The following COL5A1 variants were observed in gnomAD, a reference collection of about 807,000 sequenced individuals.
The protein encoded by COL5A1 is collagen alpha-1(V) chain.
A neutral mutation model predicts 263.7 loss-of-function variants in COL5A1; 16 were observed. The observed-to-expected ratio is 0.06, with a 90% CI of 0.04 to 0.09. COL5A1 has a LOEUF of 0.09. COL5A1 is among the 10% of genes least tolerant of loss of function. COL5A1 has a pLI of 1.00. For missense variants in COL5A1, 2,036 were observed against 2,540.5 expected, an observed-to-expected ratio of 0.80 and a Z score of 4.27; for synonymous variants, 1,012 against 1,004.5, an observed-to-expected ratio of 1.01 and a Z score of -0.14.
intron 61 of COL5A1, among the ~76,000 whole-genome samples, chr9:134,824,019 G>GTATGTGTGTGTGTGCA (rs372615876): frequency 0.018 from 2,784 of 151,052 alleles, 82 homozygotes; most frequent in African/African-American, 0.064. Flanking sequence ...ATGTGCATGT[G>GTATGTGTGTGTGTGCA]TGTGTGTGTG....
At chr9:134,683,167 G>A (rs998883669) in intron 1 of COL5A1, among the ~76,000 whole-genome samples, 2 of 152,218 alleles carry the variant, frequency 1.3e-5, no homozygotes, top group African/African-American at 4.8e-5. Flanking sequence ...AAGTAGAACG[G>A]CTGTAAGGTG....
intron 13 of COL5A1, among the ~76,000 whole-genome samples, 164 bp from the exon 14 acceptor site, chr9:134,752,425 G>T (rs879060203): frequency 8.6e-5 from 13 of 150,404 alleles, no homozygotes; most frequent in Non-Finnish European, 1.3e-4. Context: ...AAGTCGGGGG[G>T]GGGGGGCCCT....
At chr9:134,751,183 A>AC (rs1316755384) in intron 13 of COL5A1, among the ~76,000 whole-genome samples, 13 of 134,468 alleles carry the variant, frequency 9.7e-5, no homozygotes, top group Non-Finnish European at 1.6e-4. Context: ...TCCAGTAGGG[A>AC]CCCCGAGAGC....
chr9:134,798,221 G>C (rs1837985216), intron 36 of COL5A1, among the ~76,000 whole-genome samples, 187 bp from the exon 37 acceptor site: 1 of 152,250 alleles, frequency 6.6e-6, no homozygotes, highest in South Asian at 2.1e-4. Flanking sequence ...TACGAGGACA[G>C]GCAGGAGCCA....
rs1434376506 is a variant in COL5A1 at position 134,746,559 on chromosome 9, G to A, written c.1495-3983G>A. Among the ~76,000 whole-genome samples the A allele has an allele frequency of 7.9e-5, 12 of 152,352 alleles. No homozygotes were observed. In the South Asian group the frequency reaches 1.0e-3, roughly 13 times the overall value. On this transcript the variant is annotated intron_variant, in intron 11 of 65. Transcript: ENST00000371817. ...AGGCATCTGGTCACCCAGCCACATC[G>A]TCTCTGTGCAAAGGACGTCTGGACG...
intron 20 of COL5A1, among the ~76,000 whole-genome samples, chr9:134,763,996 G>A (rs1326906181): frequency 6.6e-6 from 1 of 150,846 alleles, no homozygotes; most frequent in African/African-American, 2.4e-5. Flanking sequence ...TGGGGGTCCA[G>A]GGGCAGCGTG....
At chr9:134,784,812 C>T (rs897391875) in intron 29 of COL5A1, among the ~76,000 whole-genome samples, 177 bp from the exon 30 acceptor site, 9 of 152,250 alleles carry the variant, frequency 5.9e-5, no homozygotes, top group African/African-American at 1.9e-4. Flanking sequence ...ACAATGCGCT[C>T]GCTTTGTCAG....
Position 134,700,030 on chromosome 9 carries a change from C to T in COL5A1, c.399C>T (p.Gly133=). 1 of 1,613,586 alleles carries T rather than the reference C, an allele frequency of 6.2e-7. No individual in the cohort carries two copies. The highest frequency in any genetic ancestry group is 8.5e-7 in the Non-Finnish European group (1 of 1,180,032). ...QGIQQIGLEL[G]RSPVFLYEDH... ...TCCAGCAGATTGGGCTGGAGCTGGG[C>T]CGCTCTCCCGTCTTCCTCTACGAGG... The change falls in exon 3 of 66, where the codon GGC becomes GGT. Residue 133 remains glycine, a synonymous_variant. Coordinates refer to ENST00000371817, the MANE Select transcript of COL5A1 (RefSeq NM_000093.5). This position sits in a 1 kb window ranked among gnomAD's most constrained non-coding sequence, Gnocchi z 4.0.
At chr9:134,691,699 A>T (rs1833287514) in intron 2 of COL5A1, 2 of 155,116 alleles carry the variant, frequency 1.3e-5, no homozygotes, top group African/African-American at 2.4e-5. Flanking sequence ...CTCTGGGCTT[A>T]TCTGGACGTG....
At chr9:134,830,148 G>C in intron 64 of COL5A1, 104 bp downstream of exon 64, 7 of 1,612,012 alleles carry the variant, frequency 4.3e-6, no homozygotes, top group Non-Finnish European at 5.9e-6. Context: ...CCTTCCACCT[G>C]GTATAGTCAG....
chr9:134,651,544 G>T (rs548636640), intron 1 of COL5A1, among the ~76,000 whole-genome samples: 4 of 152,342 alleles, frequency 2.6e-5, no homozygotes, highest in East Asian at 1.9e-4. Flanking sequence ...GTACACCAGA[G>T]AGCACGGTGG....
chr9:134,692,326 C>G (rs550438344), intron 2 of COL5A1, among the ~76,000 whole-genome samples: 1 of 152,312 alleles, frequency 6.6e-6, no homozygotes, highest in South Asian at 2.1e-4. Flanking sequence ...TCGGCTCAGA[C>G]AGCCTGTCCC....
intron 9 of COL5A1, among the ~76,000 whole-genome samples, chr9:134,734,518 T>A (rs1414160188): frequency 1.3e-5 from 2 of 152,256 alleles, no homozygotes; most frequent in Non-Finnish European, 2.9e-5. Context: ...CCTGGGGCCC[T>A]GCGGGCGTCC....
chr9:134,707,893 C>T (rs907405669), intron 4 of COL5A1, among the ~76,000 whole-genome samples: 72 of 152,294 alleles, frequency 4.7e-4, no homozygotes, highest in African/African-American at 1.7e-3. Context: ...CTTCCCGGCA[C>T]ACAGGCGGGC....
At chr9:134,806,374 C>T in intron 42 of COL5A1, 78 bp downstream of exon 42, 1 of 999,694 alleles carries the variant, frequency 1.0e-6, no homozygotes, top group African/African-American at 1.6e-5. Context: ...TGTCCCTCCC[C>T]CTGTGATGTC....
chr9:134,785,958 C>A, intron 30 of COL5A1, 37 bp from the exon 31 acceptor site: 2 of 1,578,978 alleles, frequency 1.3e-6, no homozygotes, highest in Non-Finnish European at 1.7e-6. Flanking sequence ...TGGAGCAATA[C>A]CGTGCTGGCC....
chr9:134,716,444 G>A lies in COL5A1; in HGVS notation c.655-10822G>A, dbSNP rs115569337. ...GCCATAAAACAGTGTCTGCAGGCCC[G>A]CTGCTCCGAAAGTCAAGATGTGGAG... On this transcript the variant is annotated intron_variant, in intron 4 of 65. Transcript: ENST00000371817. This position sits in a 1 kb window ranked among gnomAD's most constrained non-coding sequence, Gnocchi z 4.5. 9.0e-3 allele frequency among the ~76,000 whole-genome samples: 1,359 copies of A among 150,926 alleles called. 18 individuals carry two copies. Among genetic ancestry groups the A allele is most frequent in the African/African-American group, 0.031 (1,268 of 40,454 alleles).
intron 2 of COL5A1, among the ~76,000 whole-genome samples, chr9:134,692,436 C>T (rs1466006247): frequency 2.6e-5 from 4 of 152,234 alleles, no homozygotes; most frequent in East Asian, 3.8e-4. Context: ...GGAATCCTCA[C>T]TTGGACCTTG....
chr9:134,800,840 G>T (rs1434737874), intron 37 of COL5A1, among the ~76,000 whole-genome samples: 4 of 151,480 alleles, frequency 2.6e-5, no homozygotes, highest in South Asian at 4.2e-4. Flanking sequence ...CTGACTGCTG[G>T]ACAGTGAGTC....
Sources: gnomAD v4.1 joint callset for allele counts (sites outside exome capture counted in the v4.1 genomes callset) on GRCh38, gnomAD v4.1.1 for gene constraint, Gnocchi (gnomAD v3.1) non-coding constraint, MANE v1.5 for transcripts, NCBI Gene and HGNC (gene_info 2026-07-23, HGNC 2026-07-21) for gene names.